The following OSBPL11 variants were observed in gnomAD, a reference collection of about 807,000 sequenced individuals.
The protein encoded by OSBPL11 is oxysterol-binding protein-related protein 11.
In OSBPL11, 33 loss-of-function variants were observed where a neutral mutation model predicts 84.4. The observed-to-expected ratio is 0.39, with a 90% CI of 0.30 to 0.52. OSBPL11 has a LOEUF of 0.52. Among genes scored for constraint, OSBPL11 ranks in the 20% least tolerant of loss-of-function variants. The pLI, the probability that OSBPL11 is intolerant of heterozygous loss-of-function variation, is 0.72. For missense variants in OSBPL11, 736 were observed against 901.1 expected, an observed-to-expected ratio of 0.82 and a Z score of 2.35; for synonymous variants, 276 against 310.2, an observed-to-expected ratio of 0.89 and a Z score of 1.16.
At chr3:125,554,355 A>G (rs1261362579) in intron 8 of OSBPL11, among the ~76,000 whole-genome samples, 2 of 152,228 alleles carry the variant, frequency 1.3e-5, no homozygotes, top group African/African-American at 4.8e-5. Flanking sequence ...TTTTGGAGTC[A>G]CCAAGTATGA....
At position 125,585,613 on chromosome 3, in the gene OSBPL11, C is replaced by T. The variant is rs574925381; in HGVS notation, c.165-2635G>A. On this transcript the variant is annotated intron_variant, in intron 1 of 12. Transcript: ENST00000296220. ...AGCATAAAGTTAGTTTCAAAAGAGG[C>T]AGAAATTCAAGTAAGTAAACTGCTG... Among the ~76,000 whole-genome samples the T allele has an allele frequency of 2.0e-5, 3 of 151,288 alleles. No homozygotes were observed. In the South Asian group the frequency reaches 6.3e-4, roughly 32 times the overall value.
At chr3:125,574,048 T>G (rs955299855) in intron 5 of OSBPL11, among the ~76,000 whole-genome samples, 2 of 152,162 alleles carry the variant, frequency 1.3e-5, no homozygotes, top group African/African-American at 2.4e-5. Flanking sequence ...ATTCTCAAAG[T>G]GTGCTCTGCA....
intron 3 of OSBPL11, among the ~76,000 whole-genome samples, chr3:125,579,317 TTTAAAGA>T (rs1401700874): frequency 1.3e-5 from 2 of 152,214 alleles, no homozygotes; most frequent in African/African-American, 4.8e-5. Flanking sequence ...TAGGTTCTTA[TTTAAAGA>T]AATAACCCCT....
At chr3:125,594,579 C>T in intron 1 of OSBPL11, 58 bp downstream of exon 1, 1 of 1,573,878 alleles carries the variant, frequency 6.4e-7, no homozygotes, top group Non-Finnish European at 8.7e-7. Flanking sequence ...ATGCAGCCTC[C>T]AGGGCATATT....
intron 8 of OSBPL11, among the ~76,000 whole-genome samples, chr3:125,553,987 T>C (rs969827652): frequency 2.0e-5 from 3 of 152,160 alleles, no homozygotes; most frequent in African/African-American, 7.2e-5. Flanking sequence ...TAGGTTACAA[T>C]ATGCACAGAT....
At chr3:125,559,116 CA>C (rs1224796038) in intron 8 of OSBPL11, among the ~76,000 whole-genome samples, 11 of 152,296 alleles carry the variant, frequency 7.2e-5, no homozygotes, top group Admixed American at 3.3e-4. Flanking sequence ...TGAATAGCTA[CA>C]ACAGAGACCT....
At chr3:125,594,051 C>A (rs144519960) in intron 1 of OSBPL11, among the ~76,000 whole-genome samples, 2 of 152,312 alleles carry the variant, frequency 1.3e-5, no homozygotes, top group African/African-American at 4.8e-5. Flanking sequence ...ACACAGAGAG[C>A]ATTGAAGTGG....
intron 10 of OSBPL11, among the ~76,000 whole-genome samples, chr3:125,545,788 T>C (rs536303179): frequency 1.3e-5 from 2 of 151,954 alleles, no homozygotes; most frequent in Non-Finnish European, 2.9e-5. Context: ...GCATGAGAGA[T>C]AGATGTGGAA....
At position 125,568,255 on chromosome 3, in the gene OSBPL11, C is replaced by T. The variant is rs1580054437; in HGVS notation, c.667-660G>A. On this transcript the variant is annotated intron_variant, in intron 5 of 12. Transcript: ENST00000296220. ...GACCATCCTGGCTAACACGGTGAAA[C>T]CCTGTCTCTACTAAAAATACAAAAA... 2.0e-5 allele frequency among the ~76,000 whole-genome samples: 3 copies of T among 151,694 alleles called. No individual in the cohort carries two copies. The South Asian group carries it at 6.3e-4, about 32-fold the overall frequency.
chr3:125,547,628 T>A, intron 9 of OSBPL11, 36 bp from the exon 10 acceptor site: 1 of 1,454,176 alleles, frequency 6.9e-7, no homozygotes, highest in Non-Finnish European at 9.4e-7. Context: ...TAACATCTTT[T>A]TAAAGAAACA....
chr3:125,572,817 A>ATT (rs34252858), intron 5 of OSBPL11, among the ~76,000 whole-genome samples: 3 of 146,374 alleles, frequency 2.0e-5, no homozygotes, highest in Non-Finnish European at 4.5e-5. Context: ...ATATATATAT[A>ATT]TTTTTTATGT....
intron 4 of OSBPL11, among the ~76,000 whole-genome samples, 191 bp downstream of exon 4, chr3:125,578,751 ACAGAGAGAGACTCCGTCT>A (rs1288381674): frequency 6.6e-6 from 1 of 151,886 alleles, no homozygotes; most frequent in Non-Finnish European, 1.5e-5. Context: ...AGCCTGGGCC[ACAGAGAGAGACTCCGTCT>A]CAAAAAAAAA....
At chr3:125,575,768 C>G (rs1027120174) in intron 5 of OSBPL11, among the ~76,000 whole-genome samples, 2 of 150,732 alleles carry the variant, frequency 1.3e-5, no homozygotes, top group African/African-American at 4.9e-5. Flanking sequence ...AACTCCTGGG[C>G]TCCAGAAATC....
chr3:125,594,776 T>C lies in OSBPL11; in HGVS notation c.25A>G (p.Thr9Ala). The C allele has an allele frequency of 6.2e-7, 1 of 1,614,166 alleles. No homozygotes were observed. Among genetic ancestry groups the C allele is most frequent in the Non-Finnish European group, 8.5e-7 (1 of 1,180,008 alleles). The change falls in exon 1 of 13, where the codon ACA becomes GCA. Residue 9 changes from threonine (T) to alanine (A), a missense_variant. Physicochemically the swap from Thr to Ala is moderately conservative, Grantham distance 58. Coordinates refer to ENST00000296220, the MANE Select transcript of OSBPL11 (RefSeq NM_022776.5). ...CCTTCGCTCTCCGAGACTTTCATTGTGGACACTGGTTCACCCCCCTGCATC... is the reference window on the plus strand; with the variant it reads ...CCTTCGCTCTCCGAGACTTTCATTGCGGACACTGGTTCACCCCCCTGCATC... MQGGEPVSTMKVSESEGKL... is the reference protein window; with the variant it reads MQGGEPVSAMKVSESEGKL...
At chr3:125,593,107 T>G (rs1023042089) in intron 1 of OSBPL11, among the ~76,000 whole-genome samples, 9 of 152,028 alleles carry the variant, frequency 5.9e-5, no homozygotes, top group Non-Finnish European at 2.9e-5. Context: ...CTTAATAGAC[T>G]CCCGGCTCTC....
At chr3:125,534,548 A>G (rs547178884) in intron 11 of OSBPL11, among the ~76,000 whole-genome samples, 10 of 152,072 alleles carry the variant, frequency 6.6e-5, no homozygotes, top group Admixed American at 2.0e-4. Flanking sequence ...CTAAACATTT[A>G]GAAATCATCA....
In OSBPL11 at chr3:125,572,349, T is replaced by C. The variant is rs144155978; in HGVS notation, c.666+3840A>G. On this transcript the variant is annotated intron_variant, in intron 5 of 12. Transcript: ENST00000296220. ...AGACTTTGGACTGTGGACTTCTGAG[T>C]TAATGCTAAAATGCGTTAAGTCTTT... Among the ~76,000 whole-genome samples, 413 of 152,274 alleles carry C rather than the reference T, an allele frequency of 2.7e-3. 2 individuals are homozygous for C. Among genetic ancestry groups the C allele is most frequent in the Non-Finnish European group, 2.7e-3 (187 of 68,022 alleles).
chr3:125,531,353 G>A (rs1181480746), intron 12 of OSBPL11, among the ~76,000 whole-genome samples: 22 of 126,008 alleles, frequency 1.7e-4, no homozygotes, highest in African/African-American at 3.9e-4. Context: ...GTGCAATGGC[G>A]CAATCTTGGC....
At chr3:125,576,434 CATACACTTAAG>C in intron 4 of OSBPL11, 69 bp from the exon 5 acceptor site, 1 of 1,255,350 alleles carries the variant, frequency 8.0e-7, no homozygotes, top group African/African-American at 1.5e-5. Context: ...ATCAAACTAC[CATACACTTAAG>C]ATTTACACAT....
Sources: allele counts gnomAD v4.1 joint callset (sites outside exome capture counted in the v4.1 genomes callset), GRCh38; gene constraint gnomAD v4.1.1; transcripts MANE v1.5; gene names NCBI Gene and HGNC (gene_info 2026-07-23, HGNC 2026-07-21).